The following RP1L1 variants were observed in gnomAD, a reference collection of about 807,000 sequenced individuals.
RP1L1 encodes the protein retinitis pigmentosa 1-like 1 protein.
Under a neutral mutation model 15.7 loss-of-function variants are expected in RP1L1, and 27 were observed. That is an observed-to-expected ratio of 1.72 (90% CI 1.27 to 2.38). RP1L1 has a LOEUF of 2.38. Ranked by LOEUF, RP1L1 falls within the 30% of genes most tolerant of loss-of-function variation. The pLI is 0.00. For missense variants in RP1L1, 4,798 were observed against 3,075.9 expected, an observed-to-expected ratio of 1.56 and a Z score of -13.24; for synonymous variants, 1,813 against 1,276.7, an observed-to-expected ratio of 1.42 and a Z score of -8.96.
intron 1 of RP1L1, among the ~76,000 whole-genome samples, chr8:10,646,970 A>T (rs907727733): frequency 6.6e-5 from 10 of 152,256 alleles, no homozygotes; most frequent in Admixed American, 2.6e-4. Flanking sequence ...GCTCCAGTGG[A>T]AGAAAGCCTC....
intron 1 of RP1L1, among the ~76,000 whole-genome samples, chr8:10,645,258 T>C (rs1586001561): frequency 6.6e-6 from 1 of 152,132 alleles, no homozygotes; most frequent in African/African-American, 2.4e-5. Context: ...ACCCAGAAGA[T>C]TGAGGCTTCA....
Position 10,622,580 on chromosome 8 carries a change from C to A in RP1L1, c.609+13G>T. 1.2e-6 allele frequency: 2 copies of A among 1,614,092 alleles called. No individual in the cohort carries two copies. The highest frequency in any genetic ancestry group is 1.7e-6 in the Non-Finnish European group (2 of 1,180,024). ...GAACCTTTTCAAGGAACCGTCAGAC[C>A]CCAACAGCCTACCTTTTTCCCGCTG... is the stretch of plus-strand genomic sequence containing the variant. On this transcript the variant is annotated intron_variant, in intron 2 of 3. Coordinates refer to ENST00000382483, the MANE Select transcript of RP1L1 (RefSeq NM_178857.6).
Position 10,609,200 on chromosome 8 carries a change from A to G in RP1L1, c.4898T>C (p.Leu1633Pro), listed in dbSNP as rs1585961188. Residue 1633 changes from leucine to proline, a missense_variant, in exon 4 of 4, where the codon CTG becomes CCG. Coordinates refer to ENST00000382483, the MANE Select transcript of RP1L1 (RefSeq NM_178857.6). The stretch of plus-strand genomic sequence containing the variant: ...TGTGCTGAGGGCTGGCTCGTCCTCC[A>G]GGGTGAAGGAGAGGGGCCCCAGGCC... ...TLGLGPLSFT[L>P]EDEPALSTAL... is the part of the protein sequence containing the mutation. 5 of 1,610,892 alleles carry G rather than the reference A, an allele frequency of 3.1e-6. No individual in the cohort carries two copies. In the East Asian group the frequency reaches 1.1e-4, roughly 36 times the overall value.
intron 1 of RP1L1, among the ~76,000 whole-genome samples, chr8:10,634,573 G>A (rs939401699): frequency 4.6e-5 from 7 of 152,172 alleles, no homozygotes; most frequent in South Asian, 4.1e-4. Context: ...CACCCCCAGC[G>A]TTCCTGGCAT....
rs374793969 is a variant in RP1L1, at chr8:10,609,273, G to A, written c.4825C>T (p.Arg1609Cys). The change falls in exon 4 of 4, where the codon CGT (arginine) becomes TGT (cysteine). Residue 1609 changes from arginine (R) to cysteine (C), a missense_variant. Arg to Cys is a radical substitution (Grantham distance 180). Coordinates refer to ENST00000382483, the MANE Select transcript of RP1L1 (RefSeq NM_178857.6). Reference sequence around the variant, plus strand: ...GAGAGGTTTCGCAGGCCCCGGAGACGGTGTCTGCGCTGCTGGGTCTGCAGG... The same window carrying A: ...GAGAGGTTTCGCAGGCCCCGGAGACAGTGTCTGCGCTGCTGGGTCTGCAGG... ...LLLQTQQRRH[R>C]LRGLRNLSAF... 255 of 1,609,540 alleles carry A rather than the reference G, an allele frequency of 1.6e-4. No individual in the cohort carries two copies. The highest frequency in any genetic ancestry group is 3.3e-4 in the Middle Eastern group (2 of 6,080).
Position 10,630,084 on chromosome 8 carries a change from G to T in RP1L1, c.-19-6864C>A, listed in dbSNP as rs535979598. On this transcript the variant is annotated intron_variant, in intron 1 of 3. Transcript: ENST00000382483. ...TCTCCTTCAGAGCTCAGTCATGAGG[G>T]CGTAGTCAAGTCAAGAGGGCTTAGC... 2.6e-5 allele frequency among the ~76,000 whole-genome samples: 4 copies of T among 152,342 alleles called. No homozygotes were observed. In the South Asian group the frequency reaches 8.3e-4, roughly 32 times the overall value.
Position 10,612,653 on chromosome 8 carries a change from C to G in RP1L1, c.1445G>C (p.Ser482Thr). ...CPRTPEDGVDSASPSAQIGAE... is the reference protein window; with the variant it reads ...CPRTPEDGVDTASPSAQIGAE... ...CCCTATCTGGGCAGAGGGGCTGGCA[C>G]TGTCCACCCCGTCCTCCGGGGTCCT... Residue 482 changes from serine to threonine, a missense_variant, in exon 4 of 4, where the codon AGT (serine) becomes ACT (threonine). Transcript: ENST00000382483. 1 of 1,601,662 alleles carries G rather than the reference C, an allele frequency of 6.2e-7. No homozygotes were observed. The highest frequency in any genetic ancestry group is 8.5e-7 in the Non-Finnish European group (1 of 1,178,486).
chr8:10,652,249 A>G (rs1798573531), intron 1 of RP1L1, among the ~76,000 whole-genome samples: 1 of 152,196 alleles, frequency 6.6e-6, no homozygotes, highest in Non-Finnish European at 1.5e-5. Flanking sequence ...GAAGGAAATG[A>G]TTTTAGGATC....
At position 10,608,439 on chromosome 8, in the gene RP1L1, A is replaced by C. The variant is rs1797755282; in HGVS notation, c.5659T>G (p.Ser1887Ala). 6.4e-7 allele frequency: 1 copy of C among 1,574,496 alleles called. No homozygotes were observed. The highest frequency in any genetic ancestry group is 8.6e-7 in the Non-Finnish European group (1 of 1,165,790). ...PEAEGEAQPE[S>A]EDVETPEAEW... ...GCCTCTGGGGTCTCTACATCTTCTG[A>C]CTCTGGCTGGGCCTCTCCTTCTGCC... The change falls in exon 4 of 4, where the codon TCA becomes GCA. Residue 1887 changes from serine to alanine, a missense_variant. Coordinates refer to ENST00000382483, the MANE Select transcript of RP1L1 (RefSeq NM_178857.6).
Position 10,611,271 on chromosome 8 carries a change from C to T in RP1L1, c.2827G>A (p.Val943Met), listed in dbSNP as rs1797847153. Residue 943 changes from valine (V) to methionine (M), a missense_variant, in exon 4 of 4, where the codon GTG (valine) becomes ATG (methionine). Physicochemically the swap from Val to Met is conservative, Grantham distance 21. Transcript: ENST00000382483. ...GPQGQEEASG[V>M]SPSSLPRSSP... is the part of the protein sequence containing the mutation. Reference sequence around the variant, plus strand: ...GAGCGGGGCAGAGAGCTGGGTGACACACCACTGGCCTCCTCCTGCCCCTGG... The same window carrying T: ...GAGCGGGGCAGAGAGCTGGGTGACATACCACTGGCCTCCTCCTGCCCCTGG... 2 of 1,612,902 alleles carry T rather than the reference C, an allele frequency of 1.2e-6. No homozygotes were observed. Among genetic ancestry groups the T allele is most frequent in the South Asian group, 1.1e-5 (1 of 91,096 alleles).
chr8:10,609,862 C>G lies in RP1L1; in HGVS notation c.4236G>C (p.Glu1412Asp). The G allele has an allele frequency of 6.2e-7, 1 of 1,612,866 alleles. No homozygotes were observed. The highest frequency in any genetic ancestry group is 8.5e-7 in the Non-Finnish European group (1 of 1,179,324). ...EGSVHGQELSEASSPDGKGSQ... is the reference protein window; with the variant it reads ...EGSVHGQELSDASSPDGKGSQ... ...AGCCTTTCCCATCCGGAGAGCTGGC[C>G]TCTGACAATTCCTGCCCGTGGACGC... The change falls in exon 4 of 4, where the codon GAG (glutamate) becomes GAC (aspartate). Residue 1412 changes from glutamate to aspartate, a missense_variant. Transcript: ENST00000382483.
intron 1 of RP1L1, among the ~76,000 whole-genome samples, chr8:10,629,660 A>G (rs1458050797): frequency 1.3e-5 from 2 of 152,102 alleles, no homozygotes; most frequent in Non-Finnish European, 2.9e-5. Flanking sequence ...AACCAGGTAG[A>G]GGTTTATTTT....
intron 1 of RP1L1, among the ~76,000 whole-genome samples, chr8:10,631,676 G>C (rs1165122966): frequency 6.6e-6 from 1 of 152,188 alleles, no homozygotes; most frequent in Non-Finnish European, 1.5e-5. Context: ...ACCACAGCAA[G>C]GCTGGAGCTG....
chr8:10,652,928 G>T (rs904415733), intron 1 of RP1L1, among the ~76,000 whole-genome samples: 3 of 152,166 alleles, frequency 2.0e-5, no homozygotes, highest in African/African-American at 7.2e-5. Flanking sequence ...TTGGAGGAAG[G>T]CTCGGTCTTT....
intron 1 of RP1L1, among the ~76,000 whole-genome samples, chr8:10,652,314 G>A (rs938044719): frequency 6.6e-6 from 1 of 152,134 alleles, no homozygotes; most frequent in Non-Finnish European, 1.5e-5. Flanking sequence ...ATAGAACTTA[G>A]GGCCCCAGCT....
intron 1 of RP1L1, among the ~76,000 whole-genome samples, chr8:10,637,427 A>C (rs933887461): frequency 1.3e-5 from 2 of 152,132 alleles, no homozygotes; most frequent in Non-Finnish European, 2.9e-5. Context: ...CTTTTTTGGC[A>C]TTAAATGAAG....
At chr8:10,645,088 G>C (rs1281683621) in intron 1 of RP1L1, among the ~76,000 whole-genome samples, 2 of 152,128 alleles carry the variant, frequency 1.3e-5, no homozygotes, top group Admixed American at 6.5e-5. Flanking sequence ...GAACTTTGGG[G>C]GGCTAAGGCA....
At chr8:10,649,140 G>T (rs1322746604) in intron 1 of RP1L1, among the ~76,000 whole-genome samples, 1 of 152,214 alleles carries the variant, frequency 6.6e-6, no homozygotes, top group East Asian at 1.9e-4. Context: ...CAGTGGATTC[G>T]CAAAGCTTTC....
Position 10,607,447 on chromosome 8 carries a change from A to G in RP1L1, c.6651T>C (p.Ala2217=). 1.2e-6 allele frequency: 2 copies of G among 1,603,868 alleles called. No homozygotes were observed. The highest frequency in any genetic ancestry group is 2.3e-5 in the East Asian group (1 of 44,252). The change falls in exon 4 of 4, where the codon GCT becomes GCC. Residue 2217 remains alanine, a synonymous_variant. Transcript: ENST00000382483. ...CTGGCTCTGGCTGGGCCTCCTCTTC[A>G]GCCTCCGGGGCCTCTACACCTTCTA... ...PELEGVEAPE[A]EEEAQPEPEG...
Sources: allele counts gnomAD v4.1 joint callset (sites outside exome capture counted in the v4.1 genomes callset), GRCh38; gene constraint gnomAD v4.1.1; transcripts MANE v1.5; gene names NCBI Gene and HGNC (gene_info 2026-07-23, HGNC 2026-07-21).